Variants in ZNF143 observed in about 807,000 individuals in gnomAD.
ZNF143 encodes the protein SPH-binding factor.
ZNF143 carries 49 observed loss-of-function variants against 74.1 expected under a neutral mutation model. The observed-to-expected ratio is 0.66, with a 90% CI of 0.53 to 0.84. The LOEUF is 0.84. Ranked by LOEUF, ZNF143 falls within the 40% of genes least tolerant of loss-of-function variation. The probability of loss-of-function intolerance (pLI) is 0.00; values close to 1 mark genes in which losing one functional copy is unlikely to be tolerated. For missense variants in ZNF143, 637 were observed against 793.4 expected (o/e 0.80, Z 2.37); for synonymous variants, 304 against 282.8 (o/e 1.07, Z -0.75).
intron 1 of ZNF143, among the ~76,000 whole-genome samples, 155 bp downstream of exon 1, chr11:9,461,231 A>T (rs1471939917): frequency 6.6e-6 from 1 of 152,080 alleles, no homozygotes. Flanking sequence ...CGGCCGCGGT[A>T]GCGGCGTCTG....
chr11:9,473,783 T>C, intron 3 of ZNF143, 158 bp from the exon 4 acceptor site: 2 of 1,546,540 alleles, frequency 1.3e-6, no homozygotes, highest in Non-Finnish European at 1.7e-6. Context: ...GTAGGATCAC[T>C]GGATGTGTTA....
intron 2 of ZNF143, among the ~76,000 whole-genome samples, chr11:9,471,957 T>C (rs1242865781): frequency 1.6e-4 from 24 of 150,536 alleles, no homozygotes. Flanking sequence ...TGAGACAAGG[T>C]CTTGCTTTAT....
intron 1 of ZNF143, among the ~76,000 whole-genome samples, chr11:9,466,100 A>G (rs1461559898): frequency 6.6e-6 from 1 of 151,348 alleles, no homozygotes; most frequent in East Asian, 1.9e-4. Context: ...CTCCTTCCTC[A>G]GCATCCTGAG....
chr11:9,479,402 C>T (rs1254247442), intron 6 of ZNF143, 70 bp from the exon 7 acceptor site: 23 of 1,256,618 alleles, frequency 1.8e-5, no homozygotes, highest in East Asian at 2.5e-5. Flanking sequence ...TCTCCCTGAA[C>T]CATGTACTTA....
intron 11 of ZNF143, among the ~76,000 whole-genome samples, chr11:9,505,603 A>G (rs547425990): frequency 2.0e-5 from 3 of 152,004 alleles, no homozygotes; most frequent in African/African-American, 7.2e-5. Flanking sequence ...AATTATGGCC[A>G]GGCATGGTGG....
In ZNF143 at chr11:9,517,955, A is replaced by C. The variant is rs1317592543; in HGVS notation, c.1686+1593A>C. Reference sequence around the variant, plus strand: ...AAAAGATCAGACAACCCCCAGACTGAGGAAAAGATATTCACACTATATACA... The same window carrying C: ...AAAAGATCAGACAACCCCCAGACTGCGGAAAAGATATTCACACTATATACA... On this transcript the variant is annotated intron_variant, in intron 14 of 15. Coordinates refer to ENST00000396602, the MANE Select transcript of ZNF143 (RefSeq NM_003442.6). 2.0e-5 allele frequency among the ~76,000 whole-genome samples: 3 copies of C among 152,232 alleles called. No individual in the cohort carries two copies. The East Asian group carries it at 5.8e-4, about 29-fold the overall frequency.
intron 8 of ZNF143, 127 bp downstream of exon 8, chr11:9,494,892 A>G (rs1431539080): frequency 2.2e-5 from 21 of 944,550 alleles, no homozygotes; most frequent in Non-Finnish European, 3.1e-5. Flanking sequence ...GCACTTGGTC[A>G]CACTCATACA....
intron 5 of ZNF143, 24 bp from the exon 6 acceptor site, chr11:9,478,366 T>A: frequency 6.3e-7 from 1 of 1,592,856 alleles, no homozygotes; most frequent in Non-Finnish European, 8.6e-7. Flanking sequence ...TTTAATTTAA[T>A]GGCATTCTCT....
At chr11:9,513,546 G>A (rs1418498035) in intron 13 of ZNF143, among the ~76,000 whole-genome samples, 1 of 152,146 alleles carries the variant, frequency 6.6e-6, no homozygotes, top group Non-Finnish European at 1.5e-5. Context: ...TCCCACTATA[G>A]CAGGTCTGAA....
At chr11:9,476,911 C>A (rs1056425461) in intron 5 of ZNF143, among the ~76,000 whole-genome samples, 2 of 151,010 alleles carry the variant, frequency 1.3e-5, no homozygotes, top group Non-Finnish European at 3.0e-5. Flanking sequence ...AGGCACCCAC[C>A]ACCATGCCCG....
At chr11:9,501,408 A>G (rs944143528) in intron 11 of ZNF143, 138 bp downstream of exon 11, 16 of 997,304 alleles carry the variant, frequency 1.6e-5, no homozygotes, top group Non-Finnish European at 1.9e-5. Flanking sequence ...GCAACTTGAA[A>G]AAGTTTCACC....
At chr11:9,505,332 T>C (rs1481211852) in intron 11 of ZNF143, among the ~76,000 whole-genome samples, 1 of 142,184 alleles carries the variant, frequency 7.0e-6, no homozygotes, top group East Asian at 2.1e-4. Flanking sequence ...TGCAGTGTCG[T>C]GACCTCAGCT....
intron 7 of ZNF143, among the ~76,000 whole-genome samples, chr11:9,488,229 A>G (rs1433349839): frequency 1.3e-5 from 2 of 152,196 alleles, no homozygotes; most frequent in African/African-American, 4.8e-5. Flanking sequence ...CATTGTGGGC[A>G]ACAGAACGAG....
chr11:9,498,807 A>G (rs886169592), intron 10 of ZNF143, among the ~76,000 whole-genome samples: 7 of 152,222 alleles, frequency 4.6e-5, no homozygotes, highest in Admixed American at 2.6e-4. Context: ...GTCCCCATGT[A>G]TGGAAATATC....
At chr11:9,512,676 G>A (rs1318036925) in intron 13 of ZNF143, 80 bp downstream of exon 13, 2 of 1,559,274 alleles carry the variant, frequency 1.3e-6, no homozygotes, top group Non-Finnish European at 1.7e-6. Flanking sequence ...CCCCATTGAG[G>A]AAAGCTTTGA....
intron 14 of ZNF143, among the ~76,000 whole-genome samples, chr11:9,520,357 G>A (rs981777904): frequency 1.4e-5 from 2 of 138,612 alleles, no homozygotes; most frequent in African/African-American, 5.5e-5. Flanking sequence ...AATTAGCAAA[G>A]CATGGCAGCA....
intron 1 of ZNF143, among the ~76,000 whole-genome samples, chr11:9,466,056 C>G (rs1299324939): frequency 6.6e-6 from 1 of 151,584 alleles, no homozygotes; most frequent in Admixed American, 6.6e-5. Flanking sequence ...GATCTCGGCT[C>G]ACTGCAACCT....
Position 9,472,732 on chromosome 11 carries a change from A to G in ZNF143, c.168A>G (p.Ala56=). 6.2e-7 allele frequency: 1 copy of G among 1,602,884 alleles called. No homozygotes were observed. The highest frequency in any genetic ancestry group is 8.5e-7 in the Non-Finnish European group (1 of 1,176,290). The part of the protein sequence containing the change: ...EGVSLQAVTL[A]DGSTAYIQHN... The stretch of plus-strand genomic sequence containing the variant: ...TAAGCTTGCAAGCAGTAACACTTGC[A>G]GATGGTTCTACTGCTTACATACAAC... Residue 56 remains alanine, a synonymous_variant, in exon 3 of 16, where the codon GCA becomes GCG. Coordinates refer to ENST00000396602, the MANE Select transcript of ZNF143 (RefSeq NM_003442.6).
At chr11:9,487,062 G>T (rs775881589) in intron 7 of ZNF143, among the ~76,000 whole-genome samples, 1 of 148,614 alleles carries the variant, frequency 6.7e-6, no homozygotes, top group African/African-American at 2.5e-5. Context: ...CACCTCCCAG[G>T]TTCAAGCAAT....
Sources: gnomAD v4.1 joint callset for allele counts (sites outside exome capture counted in the v4.1 genomes callset) on GRCh38, gnomAD v4.1.1 for gene constraint, MANE v1.5 for transcripts, NCBI Gene and HGNC (gene_info 2026-07-23, HGNC 2026-07-21) for gene names.